ROBO1: variants seen among roughly 807,000 people sequenced by gnomAD.
The protein encoded by ROBO1 is roundabout homolog 1.
A neutral mutation model predicts 195.9 loss-of-function variants in ROBO1; 149 were observed. The observed-to-expected ratio is 0.76, with a 90% confidence interval of 0.67 to 0.87. The LOEUF (loss-of-function observed/expected upper bound fraction) is 0.87, where lower values mean the gene tolerates loss of function less well. Ranked by LOEUF, ROBO1 falls within the 40% of genes least tolerant of loss-of-function variation. The probability of loss-of-function intolerance (pLI) is 0.00; values close to 1 mark genes in which losing one functional copy is unlikely to be tolerated. For missense variants in ROBO1, 1,933 were observed against 2,068.3 expected (o/e 0.93, Z 1.27); for synonymous variants, 816 against 733.2 (o/e 1.11, Z -1.82).
At chr3:79,744,773 A>G (rs1703797790) in intron 1 of ROBO1, among the ~76,000 whole-genome samples, 1 of 152,188 alleles carries the variant, frequency 6.6e-6, no homozygotes, top group South Asian at 2.1e-4. Context: ...ATGTGTGAAG[A>G]AAAATAAATA....
chr3:79,753,068 G>A (rs936431385), intron 1 of ROBO1, among the ~76,000 whole-genome samples: 1 of 152,100 alleles, frequency 6.6e-6, no homozygotes, highest in Non-Finnish European at 1.5e-5. Context: ...GTAAAGCCTG[G>A]AAAATATTTT....
At chr3:78,908,663 C>T (rs941475237) in intron 4 of ROBO1, among the ~76,000 whole-genome samples, 8 of 151,812 alleles carry the variant, frequency 5.3e-5, no homozygotes, top group African/African-American at 1.7e-4. Context: ...TAGTTTACCT[C>T]GGCTTTCTTC....
intron 18 of ROBO1, 98 bp from the exon 19 acceptor site, chr3:78,652,027 T>C (rs1315514918): frequency 9.2e-6 from 9 of 978,144 alleles, no homozygotes; most frequent in African/African-American, 1.6e-5. Flanking sequence ...TTCTGGATAA[T>C]GATTTCTGTT....
At position 78,818,085 on chromosome 3, in the gene ROBO1, A is replaced by C. The variant is rs566575288; in HGVS notation, c.500-71185T>G. On this transcript the variant is annotated intron_variant, in intron 4 of 30. Transcript: ENST00000464233. ...AAGAGGTGACTGAGTAAAAGATGGA[A>C]TTCAACTGCATCAGTTGCAGTACTT... Among the ~76,000 whole-genome samples, 3 of 152,308 alleles carry C rather than the reference A, an allele frequency of 2.0e-5. No homozygotes were observed. In the East Asian group the frequency reaches 5.8e-4, roughly 29 times the overall value.
At chr3:79,412,948 T>C (rs2037841976) in intron 2 of ROBO1, among the ~76,000 whole-genome samples, 1 of 138,438 alleles carries the variant, frequency 7.2e-6, no homozygotes, top group South Asian at 2.5e-4. Context: ...GAAGTCTACT[T>C]CCCATGGGCA....
At chr3:79,023,591 C>CA (rs1161142714) in intron 3 of ROBO1, among the ~76,000 whole-genome samples, 1 of 144,288 alleles carries the variant, frequency 6.9e-6, no homozygotes, top group Non-Finnish European at 1.5e-5. Context: ...TGTTCCAAAA[C>CA]AAAAATCACA....
chr3:79,717,114 T>C (rs1047589851), intron 1 of ROBO1, among the ~76,000 whole-genome samples: 2 of 151,952 alleles, frequency 1.3e-5, no homozygotes, highest in Non-Finnish European at 1.5e-5. Context: ...TCTTAAAAAA[T>C]TAGTGTTAGA....
chr3:79,196,274 C>CTTT (rs555402658), intron 2 of ROBO1, among the ~76,000 whole-genome samples: 2 of 111,576 alleles, frequency 1.8e-5, no homozygotes, highest in African/African-American at 6.6e-5. Context: ...AGAAGAGTTT[C>CTTT]TTTTTTTTTT....
chr3:79,737,738 T>C (rs1442161065), intron 1 of ROBO1, among the ~76,000 whole-genome samples: 1 of 152,164 alleles, frequency 6.6e-6, no homozygotes, highest in Non-Finnish European at 1.5e-5. Context: ...AAAAATCACC[T>C]GGCAGAGTTA....
intron 10 of ROBO1, among the ~76,000 whole-genome samples, chr3:78,679,677 A>G (rs2080840785): frequency 6.6e-6 from 1 of 152,198 alleles, no homozygotes; most frequent in African/African-American, 2.4e-5. Flanking sequence ...CAATGAAATA[A>G]AAGAAGATAC....
At chr3:78,854,761 C>A (rs2034305576) in intron 4 of ROBO1, among the ~76,000 whole-genome samples, 1 of 151,954 alleles carries the variant, frequency 6.6e-6, no homozygotes, top group Admixed American at 6.6e-5. Flanking sequence ...CAATTGCATA[C>A]AATTTTAATA....
At chr3:79,057,850 C>T (rs925317176) in intron 3 of ROBO1, among the ~76,000 whole-genome samples, 1 of 152,016 alleles carries the variant, frequency 6.6e-6, no homozygotes, top group African/African-American at 2.4e-5. Flanking sequence ...TGTGTGGATT[C>T]CTGGAGCTAC....
Position 79,053,888 on chromosome 3 carries a change from A to G in ROBO1, c.172+71568T>C, listed in dbSNP as rs184656567. On this transcript the variant is annotated intron_variant, in intron 3 of 30. Coordinates refer to ENST00000464233, the MANE Select transcript of ROBO1 (RefSeq NM_002941.4). ...TAGAACCTCCCAACTTCCAAGGGAT[A>G]TAAATGTGTCATTATGTACCTCTAA... 3.3e-5 allele frequency among the ~76,000 whole-genome samples: 5 copies of G among 152,284 alleles called. No homozygotes were observed. The East Asian group carries it at 7.7e-4, about 24-fold the overall frequency.
At chr3:79,518,914 A>G (rs1941074308) in intron 2 of ROBO1, among the ~76,000 whole-genome samples, 2 of 151,706 alleles carry the variant, frequency 1.3e-5, no homozygotes, top group Non-Finnish European at 2.9e-5. Context: ...TACTGACCTC[A>G]AGTGATCCAC....
intron 3 of ROBO1, among the ~76,000 whole-genome samples, chr3:79,008,290 A>G (rs192190119): frequency 5.3e-4 from 80 of 152,332 alleles, no homozygotes; most frequent in Admixed American, 1.5e-3. Context: ...GCTCTTGCAC[A>G]TTATCAGGTA....
At chr3:78,656,119 T>A (rs921093745) in intron 18 of ROBO1, among the ~76,000 whole-genome samples, 1 of 152,124 alleles carries the variant, frequency 6.6e-6, no homozygotes, top group Non-Finnish European at 1.5e-5. Flanking sequence ...CTTTTGATGT[T>A]AGTTTTTTTT....
chr3:79,542,282 T>G (rs1575995836), intron 2 of ROBO1, among the ~76,000 whole-genome samples: 2 of 152,190 alleles, frequency 1.3e-5, no homozygotes, highest in South Asian at 2.1e-4. Context: ...ATCTACATAA[T>G]TTCCAAGTTT....
At chr3:79,185,119 G>A (rs566621589) in intron 2 of ROBO1, among the ~76,000 whole-genome samples, 6 of 152,082 alleles carry the variant, frequency 3.9e-5, no homozygotes, top group South Asian at 4.1e-4. Flanking sequence ...GGAAGCACAC[G>A]TACAACAACA....
chr3:79,689,069 C>A (rs1194808293), intron 1 of ROBO1, among the ~76,000 whole-genome samples: 3 of 151,770 alleles, frequency 2.0e-5, no homozygotes, highest in African/African-American at 7.3e-5. Flanking sequence ...ACTTACTGAA[C>A]ACGCGTTTTT....
Sources: allele counts gnomAD v4.1 joint callset (sites outside exome capture counted in the v4.1 genomes callset), GRCh38; gene constraint gnomAD v4.1.1; transcripts MANE v1.5; gene names NCBI Gene and HGNC (gene_info 2026-07-23, HGNC 2026-07-21).